Variants in DSCAM observed in about 807,000 individuals in gnomAD.
DSCAM encodes cell adhesion molecule DSCAM.
In DSCAM, 47 loss-of-function variants were observed where a neutral mutation model predicts 217.7. The observed-to-expected ratio is 0.22, with a 90% CI of 0.17 to 0.28. The LOEUF (loss-of-function observed/expected upper bound fraction) is 0.28, where lower values mean the gene tolerates loss of function less well. DSCAM is among the 10% of genes least tolerant of loss of function. DSCAM has a pLI of 1.00. For synonymous variants in DSCAM, 1,056 were observed against 1,015.3 expected (o/e 1.04, Z -0.76); for missense variants, 2,080 against 2,618.3 (o/e 0.79, Z 4.49).
chr21:40,377,964 A>C (rs936058644), intron 3 of DSCAM, among the ~76,000 whole-genome samples: 4 of 152,222 alleles, frequency 2.6e-5, no homozygotes, highest in Non-Finnish European at 5.9e-5. Flanking sequence ...AGAACCTGAC[A>C]GAGAAAAGCA....
chr21:40,462,330 G>A (rs1239089315), intron 3 of DSCAM, among the ~76,000 whole-genome samples: 1 of 152,096 alleles, frequency 6.6e-6, no homozygotes, highest in East Asian at 1.9e-4. Flanking sequence ...TCAAATTCTT[G>A]GACCCATCTT....
chr21:40,353,010 C>A (rs114076377), intron 5 of DSCAM, among the ~76,000 whole-genome samples: 1 of 152,222 alleles, frequency 6.6e-6, no homozygotes, highest in African/African-American at 2.4e-5. Flanking sequence ...GTGATAATAG[C>A]CTCATTTAGA....
chr21:40,344,140 C>A (rs1775370595), intron 6 of DSCAM, among the ~76,000 whole-genome samples: 1 of 152,148 alleles, frequency 6.6e-6, no homozygotes, highest in Non-Finnish European at 1.5e-5. Flanking sequence ...CTCGAGTGAG[C>A]CGCCTGTCTC....
chr21:40,602,866 T>C (rs1389881252), intron 3 of DSCAM, among the ~76,000 whole-genome samples: 1 of 152,020 alleles, frequency 6.6e-6, no homozygotes, highest in Admixed American at 6.6e-5. Flanking sequence ...TTTCTTCTGC[T>C]TGTTTTAGGC....
intron 3 of DSCAM, among the ~76,000 whole-genome samples, chr21:40,466,851 T>C (rs562922905): frequency 6.6e-6 from 1 of 152,358 alleles, no homozygotes; most frequent in Non-Finnish European, 1.5e-5. Context: ...AATACATGCA[T>C]TTGATTTTTG....
intron 1 of DSCAM, among the ~76,000 whole-genome samples, chr21:40,774,769 C>T (rs1008733830): frequency 6.6e-6 from 1 of 151,706 alleles, no homozygotes; most frequent in African/African-American, 2.4e-5. Flanking sequence ...ACTTCTATCT[C>T]GGTGAGTCTG....
intron 27 of DSCAM, among the ~76,000 whole-genome samples, chr21:40,065,119 A>G (rs532567688): frequency 6.6e-6 from 1 of 152,274 alleles, no homozygotes; most frequent in African/African-American, 2.4e-5. Flanking sequence ...ACAGTGGGAC[A>G]AGGAGGAGTT....
chr21:40,623,389 T>A (rs1351463078), intron 3 of DSCAM, among the ~76,000 whole-genome samples: 1 of 152,212 alleles, frequency 6.6e-6, no homozygotes, highest in Admixed American at 6.5e-5. Flanking sequence ...GATGTGTATA[T>A]GTACAAATGA....
At chr21:40,605,289 C>G (rs2089217498) in intron 3 of DSCAM, among the ~76,000 whole-genome samples, 2 of 152,184 alleles carry the variant, frequency 1.3e-5, no homozygotes, top group Admixed American at 1.3e-4. Flanking sequence ...CTGTGTTGAC[C>G]TGTCTCTCCA....
intron 3 of DSCAM, among the ~76,000 whole-genome samples, chr21:40,684,068 A>C (rs1214158356): frequency 1.3e-5 from 2 of 151,544 alleles, no homozygotes; most frequent in Non-Finnish European, 2.9e-5. Flanking sequence ...CTACTAAAAA[A>C]AAAAAAATAG....
chr21:40,074,760 G>T (rs1260992567), intron 27 of DSCAM, among the ~76,000 whole-genome samples: 1 of 152,208 alleles, frequency 6.6e-6, no homozygotes, highest in Non-Finnish European at 1.5e-5. Flanking sequence ...AGAGACTAGA[G>T]TTAAAAAATT....
intron 3 of DSCAM, among the ~76,000 whole-genome samples, chr21:40,392,556 A>G (rs1245295644): frequency 6.6e-6 from 1 of 152,258 alleles, no homozygotes. Flanking sequence ...CTTCGAGGTC[A>G]GAAAGAAGGG....
chr21:40,063,399 A>G (rs549505956), intron 27 of DSCAM, among the ~76,000 whole-genome samples: 1 of 152,286 alleles, frequency 6.6e-6, no homozygotes, highest in Admixed American at 6.5e-5. Context: ...GAAATTAAAA[A>G]AACTTTATTT....
At chr21:40,801,743 TA>T (rs1569043279) in intron 1 of DSCAM, among the ~76,000 whole-genome samples, 1 of 152,226 alleles carries the variant, frequency 6.6e-6, no homozygotes, top group Non-Finnish European at 1.5e-5. Context: ...CATGTAGCGC[TA>T]ATTCTGCAGG....
intron 8 of DSCAM, among the ~76,000 whole-genome samples, chr21:40,326,417 G>C (rs1244956638): frequency 6.6e-6 from 1 of 152,220 alleles, no homozygotes; most frequent in Non-Finnish European, 1.5e-5. Context: ...AGACACATCA[G>C]TGTGTCCTTC....
chr21:40,683,500 A>C (rs2090438132), intron 3 of DSCAM, among the ~76,000 whole-genome samples: 1 of 152,142 alleles, frequency 6.6e-6, no homozygotes, highest in Admixed American at 6.5e-5. Context: ...GGAAGTTAGC[A>C]AAGGGAAAGG....
At chr21:40,666,310 C>G (rs75045923) in intron 3 of DSCAM, among the ~76,000 whole-genome samples, 1 of 152,152 alleles carries the variant, frequency 6.6e-6, no homozygotes, top group African/African-American at 2.4e-5. Flanking sequence ...CCTCATTTAA[C>G]CCTTAAAACA....
At chr21:40,484,032 G>A (rs1601679426) in intron 3 of DSCAM, among the ~76,000 whole-genome samples, 1 of 152,206 alleles carries the variant, frequency 6.6e-6, no homozygotes, top group African/African-American at 2.4e-5. Flanking sequence ...CTACGGGGCA[G>A]GATGTAGGTC....
intron 1 of DSCAM, among the ~76,000 whole-genome samples, chr21:40,809,254 C>T (rs1383017565): frequency 6.6e-6 from 1 of 152,142 alleles, no homozygotes; most frequent in African/African-American, 2.4e-5. Flanking sequence ...GCTCATAAGA[C>T]TGGACAAGGG....
Sources: gnomAD v4.1 joint callset for allele counts (sites outside exome capture counted in the v4.1 genomes callset) on GRCh38, gnomAD v4.1.1 for gene constraint, MANE v1.5 for transcripts, NCBI Gene and HGNC (gene_info 2026-07-23, HGNC 2026-07-21) for gene names.